WWC2: variants seen among roughly 807,000 people sequenced by gnomAD.
WWC2 encodes WW and C2 domain containing 2.
A neutral mutation model predicts 138.5 loss-of-function variants in WWC2; 101 were observed. The observed-to-expected ratio is 0.73, with a 90% CI of 0.62 to 0.86. WWC2 has a LOEUF of 0.86. Ranked by LOEUF, WWC2 falls within the 40% of genes least tolerant of loss-of-function variation. The pLI is 0.00. For synonymous variants in WWC2, 558 were observed against 538.4 expected (o/e 1.04, Z -0.50); for missense variants, 1,420 against 1,419.4 (o/e 1.00, Z -0.01).
chr4:183,163,511 T>C (rs1734019671), intron 1 of WWC2, among the ~76,000 whole-genome samples: 1 of 152,240 alleles, frequency 6.6e-6, no homozygotes, highest in African/African-American at 2.4e-5. Context: ...TTGAGACTTC[T>C]GTGATCTGGT....
chr4:183,192,040 A>G (rs1735006372), intron 1 of WWC2, among the ~76,000 whole-genome samples: 1 of 152,192 alleles, frequency 6.6e-6, no homozygotes. Context: ...TTGTATTTGT[A>G]ACAAGGTCCC....
chr4:183,188,133 C>T (rs535629640), intron 1 of WWC2, among the ~76,000 whole-genome samples: 16 of 152,254 alleles, frequency 1.1e-4, no homozygotes, highest in East Asian at 3.9e-4. Flanking sequence ...GCAGGAAGAA[C>T]GGGGGAGTGA....
chr4:183,282,148 T>C (rs1738096805), intron 17 of WWC2, among the ~76,000 whole-genome samples: 1 of 152,206 alleles, frequency 6.6e-6, no homozygotes, highest in African/African-American at 2.4e-5. Context: ...ATAAGCTGTA[T>C]TTATATTCTG....
At chr4:183,267,740 A>G (rs753374639) in intron 14 of WWC2, among the ~76,000 whole-genome samples, 7 of 152,190 alleles carry the variant, frequency 4.6e-5, no homozygotes, top group Non-Finnish European at 8.8e-5. Flanking sequence ...ATGAGCAGAC[A>G]TTTGCTCTTC....
At chr4:183,288,249 T>A (rs1452916025) in intron 20 of WWC2, among the ~76,000 whole-genome samples, 1 of 152,138 alleles carries the variant, frequency 6.6e-6, no homozygotes, top group Admixed American at 6.5e-5. Context: ...GGCTCTGAAA[T>A]CAGCATAGGG....
chr4:183,145,500 A>G (rs1193866683), intron 1 of WWC2, among the ~76,000 whole-genome samples: 2 of 152,216 alleles, frequency 1.3e-5, no homozygotes, highest in Non-Finnish European at 2.9e-5. Context: ...TGAGATCATA[A>G]TTACATAGCA....
rs142738228 is a variant in WWC2, at chr4:183,178,324, T to C, written c.132-15275T>C. Among the ~76,000 whole-genome samples, 363 of 151,930 alleles carry C rather than the reference T, an allele frequency of 2.4e-3. 2 individuals are homozygous for C. Among genetic ancestry groups the C allele is most frequent in the African/African-American group, 8.5e-3 (352 of 41,446 alleles). On this transcript the variant is annotated intron_variant, in intron 1 of 22. Transcript: ENST00000403733. ...GGGATACCAATGTGGGAGGATCACT[T>C]GAGCCCAGGAGTTTGAGACCAGCCT...
At chr4:183,128,258 GA>G (rs2111064567) in intron 1 of WWC2, among the ~76,000 whole-genome samples, 1 of 152,234 alleles carries the variant, frequency 6.6e-6, no homozygotes, top group East Asian at 1.9e-4. Context: ...AGAATTGCTT[GA>G]ACTTGGAAGG....
chr4:183,188,606 CTA>C (rs199888095), intron 1 of WWC2, among the ~76,000 whole-genome samples: 2,367 of 144,650 alleles, frequency 0.016, 66 homozygotes, highest in African/African-American at 0.062. Context: ...CTCTCTCTCT[CTA>C]TCTAATATGA....
chr4:183,213,784 A>G (rs1032132598), intron 4 of WWC2, among the ~76,000 whole-genome samples: 4 of 152,198 alleles, frequency 2.6e-5, no homozygotes, highest in African/African-American at 9.7e-5. Flanking sequence ...GAAAATCTCA[A>G]TAGCCATTTT....
At position 183,319,700 on chromosome 4, in the gene WWC2, T is replaced by C; in HGVS notation, c.*3971T>C. The C allele has an allele frequency of 3.1e-6, 5 of 1,614,012 alleles. No individual in the cohort carries two copies. Among genetic ancestry groups the C allele is most frequent in the Non-Finnish European group, 4.2e-6 (5 of 1,180,002 alleles). On this transcript the variant is annotated 3_prime_UTR_variant, in exon 23 of 23. Transcript: ENST00000403733. ...GACACCCTCCTAGCAGAAGAGAAAG[T>C]CCAGCAAACCAGCCCAGAAACAGGG...
rs1020647602 is a variant in WWC2 at position 183,164,432 on chromosome 4, A to T, written c.132-29167A>T. ...ATATAATATATATATTTTTATATATATTTTTAATATATATATTTTAAGTAG... is the reference window on the plus strand; with the variant it reads ...ATATAATATATATATTTTTATATATTTTTTTAATATATATATTTTAAGTAG... On this transcript the variant is annotated intron_variant, in intron 1 of 22. Coordinates refer to ENST00000403733, the MANE Select transcript of WWC2 (RefSeq NM_024949.6). Among the ~76,000 whole-genome samples the T allele has an allele frequency of 3.4e-4, 49 of 142,698 alleles. 1 individual carries two copies. The highest frequency in any genetic ancestry group is 1.1e-3 in the South Asian group (5 of 4,604). 93.6% of individuals were successfully genotyped at this position (142,698 alleles called of 152,430 possible).
chr4:183,320,408 A>G lies in WWC2; in HGVS notation c.*4679A>G. The G allele has an allele frequency of 1.6e-6, 1 of 633,888 alleles. No homozygotes were observed. The highest frequency in any genetic ancestry group is 2.7e-6 in the Non-Finnish European group (1 of 363,946). The allele number at this position is 633,888 out of a possible 1,614,324, so 39.3% of individuals were successfully genotyped here. On this transcript the variant is annotated 3_prime_UTR_variant, in exon 23 of 23. Coordinates refer to ENST00000403733, the MANE Select transcript of WWC2 (RefSeq NM_024949.6). ...GGTTTCACAAAAGGATAGGGAAATA[A>G]TGCCGCCAACCAGTAATGCCAAGGT... is the stretch of plus-strand genomic sequence containing the variant.
Position 183,280,767 on chromosome 4 carries a change from A to C in WWC2, c.2563-9A>C. The C allele has an allele frequency of 6.3e-7, 1 of 1,599,262 alleles. No individual in the cohort carries two copies. The highest frequency in any genetic ancestry group is 8.5e-7 in the Non-Finnish European group (1 of 1,172,776). ...TTATGTTAATTGCCGTATGCTTTAC[A>C]TTCTTCAGGATGCAGTGTCAGCCTT... On this transcript the variant is annotated splice_polypyrimidine_tract_variant and intron_variant, in intron 16 of 22. Transcript: ENST00000403733.
chr4:183,266,773 A>G (rs1396936468), intron 14 of WWC2, among the ~76,000 whole-genome samples: 1 of 152,206 alleles, frequency 6.6e-6, no homozygotes, highest in Non-Finnish European at 1.5e-5. Context: ...TGGAAATTTA[A>G]AAAGAGCTGT....
intron 21 of WWC2, among the ~76,000 whole-genome samples, chr4:183,307,499 C>A (rs114237234): frequency 1.6e-4 from 25 of 152,304 alleles, no homozygotes; most frequent in African/African-American, 4.6e-4. Context: ...AAGGAAACTA[C>A]AGCCCTATAT....
chr4:183,171,189 A>G (rs923239397), intron 1 of WWC2, among the ~76,000 whole-genome samples: 10 of 152,200 alleles, frequency 6.6e-5, no homozygotes, highest in Non-Finnish European at 1.5e-4. Flanking sequence ...CAGTCTTTCC[A>G]ATTAGCCTCA....
At chr4:183,165,057 T>G (rs1734094255) in intron 1 of WWC2, among the ~76,000 whole-genome samples, 1 of 152,218 alleles carries the variant, frequency 6.6e-6, no homozygotes, top group African/African-American at 2.4e-5. Context: ...ACACAAACAT[T>G]CCTGGGTCTG....
At chr4:183,300,425 TG>T (rs1440767947) in intron 21 of WWC2, among the ~76,000 whole-genome samples, 8 of 152,248 alleles carry the variant, frequency 5.3e-5, no homozygotes, top group African/African-American at 1.9e-4. Flanking sequence ...CTAGATTTTT[TG>T]TAAAGCTTAA....
Sources: allele counts gnomAD v4.1 joint callset (sites outside exome capture counted in the v4.1 genomes callset), GRCh38; gene constraint gnomAD v4.1.1; transcripts MANE v1.5; gene names NCBI Gene and HGNC (gene_info 2026-07-23, HGNC 2026-07-21).